Variants in DNAH7 observed in about 807,000 individuals in gnomAD.
The protein encoded by DNAH7 is axonemal beta dynein heavy chain 7.
DNAH7 carries 397 observed loss-of-function variants against 444.6 expected under a neutral mutation model. The ratio of observed to expected loss-of-function variants is 0.89; its 90% confidence interval spans 0.82 to 0.97. The LOEUF is 0.97. Ranked by LOEUF, DNAH7 falls within the 50% of genes least tolerant of loss-of-function variation. The pLI is 0.00. For synonymous variants in DNAH7, 1,636 were observed against 1,624.4 expected (o/e 1.01, Z -0.17); for missense variants, 4,902 against 4,800.8 (o/e 1.02, Z -0.62).
At chr2:195,871,705 G>GTT (rs1188129437) in intron 40 of DNAH7, among the ~76,000 whole-genome samples, 1,532 of 86,864 alleles carry the variant, frequency 0.018, 165 homozygotes, top group African/African-American at 0.099. Flanking sequence ...TTAAGGGAAG[G>GTT]CGGATCACGA....
chr2:195,864,607 C>A lies in DNAH7; in HGVS notation c.7048G>T (p.Val2350Phe), dbSNP rs750305899. 6.2e-7 allele frequency: 1 copy of A among 1,614,110 alleles called. No individual in the cohort carries two copies. Among genetic ancestry groups the A allele is most frequent in the African/African-American group, 1.3e-5 (1 of 75,024 alleles). The change falls in exon 41 of 65, where the codon GTC becomes TTC. Residue 2350 changes from valine (V) to phenylalanine (F), a missense_variant. Transcript: ENST00000312428. Reference protein sequence around the residue: ...VGVGGSGRQSVTRLAAHMADY... With the variant: ...VGVGGSGRQSFTRLAAHMADY... ...GCCATGTGGGCAGCTAATCTGGTGA[C>A]AGACTGCCTTCCACTCCCTCCAACC...
chr2:195,806,578 T>C (rs1263173071), intron 54 of DNAH7, among the ~76,000 whole-genome samples, 162 bp downstream of exon 54: 1 of 152,176 alleles, frequency 6.6e-6, no homozygotes, highest in Non-Finnish European at 1.5e-5. Flanking sequence ...TAGAAAAATA[T>C]ACAAACTTTT....
In DNAH7 at chr2:196,028,167, A is replaced by G; in HGVS notation, c.399-120T>C. On this transcript the variant is annotated intron_variant, in intron 5 of 64. Transcript: ENST00000312428. ...AATCATAAGGAAAAATGAATTGTTG[A>G]ACATTTTACAAACAGCATACACATT... 7.9e-6 allele frequency: 6 copies of G among 761,710 alleles called. No individual in the cohort carries two copies. The East Asian group carries it at 1.7e-4, about 21-fold the overall frequency. The allele number at this position is 761,710 out of a possible 1,614,324, so 47.2% of individuals were successfully genotyped here.
chr2:195,816,292 C>T (rs1226129653), intron 51 of DNAH7, among the ~76,000 whole-genome samples: 5 of 152,118 alleles, frequency 3.3e-5, no homozygotes, highest in South Asian at 2.1e-4. Context: ...AATGCCAGTT[C>T]GTACAGGAGT....
At chr2:196,022,001 C>T (rs1338826771) in intron 8 of DNAH7, among the ~76,000 whole-genome samples, 1 of 152,034 alleles carries the variant, frequency 6.6e-6, no homozygotes, top group African/African-American at 2.4e-5. Context: ...GTGGTGCACA[C>T]CTGTAATCCC....
chr2:195,754,488 T>A lies in DNAH7; in HGVS notation c.11613A>T (p.Pro3871=). The A allele has an allele frequency of 6.2e-7, 1 of 1,614,056 alleles. No homozygotes were observed. The change falls in exon 63 of 65, where the codon CCA becomes CCT. Residue 3871 remains proline (P), a synonymous_variant. Coordinates refer to ENST00000312428, the MANE Select transcript of DNAH7 (RefSeq NM_018897.3). The part of the protein sequence containing the change: ...LQQWYEVGPP[P]VFWLSGFFFT... The stretch of plus-strand genomic sequence containing the variant: ...AGAAGAAGCCAGAAAGCCAGAAGAC[T>A]GGAGGAGGACCAACCTCATACCATT...
rs1480727762 is a variant in DNAH7 at position 195,737,905 on chromosome 2, A to AAAT, written c.*13_*15dup. 2.0e-5 allele frequency: 33 copies of AAAT among 1,611,804 alleles called. 1 individual carries two copies. The highest frequency in any genetic ancestry group is 8.3e-5 in the Admixed American group (5 of 59,966). On this transcript the variant is annotated 3_prime_UTR_variant, in exon 65 of 65. Coordinates refer to ENST00000312428, the MANE Select transcript of DNAH7 (RefSeq NM_018897.3). ...CAGCCAACAAGAAATAGGAACAAGGAAATGATGTCTTCTGGTTATGAATTA... is the reference window on the plus strand; with the variant it reads ...CAGCCAACAAGAAATAGGAACAAGGAAATAATGATGTCTTCTGGTTATGAATTA...
intron 5 of DNAH7, among the ~76,000 whole-genome samples, chr2:196,041,198 AC>A (rs1484918021): frequency 1.3e-5 from 2 of 152,086 alleles, no homozygotes; most frequent in African/African-American, 2.4e-5. Flanking sequence ...CATAGAAAAA[AC>A]AATCCTAAAA....
chr2:196,057,810 C>T (rs938641563), intron 2 of DNAH7, among the ~76,000 whole-genome samples: 1 of 152,176 alleles, frequency 6.6e-6, no homozygotes, highest in African/African-American at 2.4e-5. Context: ...AAATTTTATT[C>T]TGTAAAATCT....
intron 10 of DNAH7, 58 bp downstream of exon 10, chr2:196,012,729 T>G (rs1694793165): frequency 2.6e-6 from 4 of 1,561,424 alleles, no homozygotes; most frequent in Non-Finnish European, 3.5e-6. Flanking sequence ...TAAAATGCAG[T>G]AGCCCACAAT....
At chr2:195,993,762 A>G (rs531337759) in intron 12 of DNAH7, among the ~76,000 whole-genome samples, 1 of 152,210 alleles carries the variant, frequency 6.6e-6, no homozygotes, top group Non-Finnish European at 1.5e-5. Context: ...CATGACTTCA[A>G]GTTTGCATTT....
In DNAH7 at chr2:195,910,166, A is replaced by C. The variant is rs761856218; in HGVS notation, c.3965T>G (p.Leu1322Arg). The change falls in exon 25 of 65, where the codon CTT becomes CGT. Residue 1322 changes from leucine to arginine, a missense_variant. By Grantham distance (102) the Leu-to-Arg change is moderately radical. Transcript: ENST00000312428. The stretch of plus-strand genomic sequence containing the variant: ...AGCTGGACCCTCAGGTGCTCCTCCA[A>C]GGTGCAAATGAAGGGCTCCAAATAA... ...RTLFGALHLHLGGAPEGPAGT... is the reference protein window; with the variant it reads ...RTLFGALHLHRGGAPEGPAGT... 6.2e-7 allele frequency: 1 copy of C among 1,612,234 alleles called. No homozygotes were observed. Among genetic ancestry groups the C allele is most frequent in the South Asian group, 1.1e-5 (1 of 90,738 alleles).
At chr2:195,964,646 C>G (rs1158799030) in intron 17 of DNAH7, among the ~76,000 whole-genome samples, 1 of 145,090 alleles carries the variant, frequency 6.9e-6, no homozygotes, top group African/African-American at 2.6e-5. Context: ...GCAGGCGGAT[C>G]ACGAGGTCAG....
chr2:195,960,303 T>C lies in DNAH7; in HGVS notation c.2848A>G (p.Met950Val), dbSNP rs182456620. 9.6e-4 allele frequency: 1,543 copies of C among 1,613,494 alleles called. 2 individuals are homozygous for C. The highest frequency in any genetic ancestry group is 1.3e-3 in the South Asian group (114 of 91,044). Residue 950 changes from methionine to valine, a missense_variant, in exon 18 of 65, where the codon ATG becomes GTG. Met to Val is a conservative substitution (Grantham distance 21). Transcript: ENST00000312428. ...LDDHIIKTQT[M>V]RGSPFIKPYE... is the part of the protein sequence containing the mutation. Reference sequence around the variant, plus strand: ...GGCTTAATGAAAGGAGATCCTCGCATAGTTTGTGTTTTAATAATATGGTCA... The same window carrying C: ...GGCTTAATGAAAGGAGATCCTCGCACAGTTTGTGTTTTAATAATATGGTCA...
Position 195,888,868 on chromosome 2 carries a change from A to C in DNAH7, c.5160T>G (p.Ile1720Met). The change falls in exon 32 of 65, where the codon ATT (isoleucine) becomes ATG (methionine). Residue 1720 changes from isoleucine to methionine, a missense_variant. By Grantham distance (10) the Ile-to-Met change is conservative. Coordinates refer to ENST00000312428, the MANE Select transcript of DNAH7 (RefSeq NM_018897.3). ...GATTCATTTGTGGTGACATCTGAAT[A>C]ATCTCCCCACTCATCAGACATAGCT... The part of the protein sequence containing the change: ...NKKLCLMSGE[I>M]IQMSPQMNLI... 1 of 1,614,054 alleles carries C rather than the reference A, an allele frequency of 6.2e-7. No individual in the cohort carries two copies. The highest frequency in any genetic ancestry group is 2.2e-5 in the East Asian group (1 of 44,850).
At chr2:195,798,842 G>A (rs535131656) in intron 55 of DNAH7, among the ~76,000 whole-genome samples, 405 of 152,108 alleles carry the variant, frequency 2.7e-3, no homozygotes, top group Non-Finnish European at 4.1e-3. Context: ...CACCGTGCCT[G>A]GCCAGAACAT....
At chr2:195,788,744 G>A (rs184621799) in intron 57 of DNAH7, among the ~76,000 whole-genome samples, 21 of 152,170 alleles carry the variant, frequency 1.4e-4, no homozygotes, top group African/African-American at 4.6e-4. Context: ...TATGGAATGA[G>A]GAAAAGCAAA....
intron 41 of DNAH7, among the ~76,000 whole-genome samples, chr2:195,863,863 C>T (rs960200361): frequency 2.0e-5 from 3 of 152,126 alleles, no homozygotes; most frequent in African/African-American, 4.8e-5. Context: ...ATGCTTTCTT[C>T]GGTGAAGGGT....
chr2:195,745,036 TTCAGACGA>T (rs1486337511), intron 63 of DNAH7, among the ~76,000 whole-genome samples: 1 of 152,200 alleles, frequency 6.6e-6, no homozygotes, highest in Non-Finnish European at 1.5e-5. Context: ...AGAAGAAGGC[TTCAGACGA>T]TCAAACTACA....
Sources: gnomAD v4.1 joint callset for allele counts (sites outside exome capture counted in the v4.1 genomes callset) on GRCh38, gnomAD v4.1.1 for gene constraint, MANE v1.5 for transcripts, NCBI Gene and HGNC (gene_info 2026-07-23, HGNC 2026-07-21) for gene names.